Variants in TOP1MT observed in about 807,000 individuals in gnomAD.
The protein encoded by TOP1MT is DNA topoisomerase I, mitochondrial.
A neutral mutation model predicts 73.9 loss-of-function variants in TOP1MT; 80 were observed. The ratio of observed to expected loss-of-function variants is 1.08; its 90% CI spans 0.90 to 1.30. TOP1MT has a LOEUF of 1.30. TOP1MT is among the 50% of genes most tolerant of loss of function. The pLI is 0.00. For missense variants in TOP1MT, 815 were observed against 808.0 expected, an observed-to-expected ratio of 1.01 and a Z score of -0.10; for synonymous variants, 338 against 326.4, an observed-to-expected ratio of 1.04 and a Z score of -0.38.
At chr8:143,321,643 A>ACGCACGCACGC (rs1816380471) in intron 7 of TOP1MT, among the ~76,000 whole-genome samples, 1 of 64,706 alleles carries the variant, frequency 1.5e-5, no homozygotes, top group African/African-American at 5.3e-5. Context: ...CAGGCACGCC[A>ACGCACGCACGC]CACACAGGCA....
In TOP1MT at chr8:143,333,490, C is replaced by T. The variant is rs113521845; in HGVS notation, c.122+1250G>A. 3.1e-3 allele frequency among the ~76,000 whole-genome samples: 470 copies of T among 152,318 alleles called. 1 individual carries two copies. The highest frequency in any genetic ancestry group is 6.8e-3 in the Middle Eastern group (2 of 294). On this transcript the variant is annotated intron_variant, in intron 1 of 13. Transcript: ENST00000329245. Reference sequence around the variant, plus strand: ...AATAAAAATAAAGAACTGACAGTGACCCTGACTGCCAAGTCCTTCACAAAG... The same window carrying T: ...AATAAAAATAAAGAACTGACAGTGATCCTGACTGCCAAGTCCTTCACAAAG...
chr8:143,337,468 T>G (rs1817002401), upstream of TOP1MT, among the ~76,000 whole-genome samples: 1 of 152,086 alleles, frequency 6.6e-6, no homozygotes, highest in Admixed American at 6.5e-5. Context: ...CCATCTAAAT[T>G]CCAGCTGGCG....
At chr8:143,321,598 CGCCACACGCACGCA>C (rs1816372764) in intron 7 of TOP1MT, among the ~76,000 whole-genome samples, 1 of 126,454 alleles carries the variant, frequency 7.9e-6, no homozygotes, top group Non-Finnish European at 1.7e-5. Context: ...CACGCACGCA[CGCCACACGCACGCA>C]CGCCACACGC....
intron 12 of TOP1MT, among the ~76,000 whole-genome samples, chr8:143,315,127 T>TA (rs1196582616): frequency 6.6e-6 from 1 of 152,076 alleles, no homozygotes; most frequent in Non-Finnish European, 1.5e-5. Context: ...CAGGGGAGTT[T>TA]AGAGAAGACT....
intron 4 of TOP1MT, among the ~76,000 whole-genome samples, chr8:143,325,794 A>G (rs1816691539): frequency 6.6e-6 from 1 of 152,128 alleles, no homozygotes; most frequent in African/African-American, 2.4e-5. Context: ...AGGCCTAAGC[A>G]GTAAAGCCAG....
chr8:143,337,936 C>T (rs561071471), upstream of TOP1MT, among the ~76,000 whole-genome samples: 5 of 152,236 alleles, frequency 3.3e-5, no homozygotes, highest in Admixed American at 1.3e-4. Flanking sequence ...CCGGTGCATG[C>T]GGCCCCAGTT....
At chr8:143,320,864 G>A (rs897327734) in intron 8 of TOP1MT, among the ~76,000 whole-genome samples, 2 of 152,066 alleles carry the variant, frequency 1.3e-5, no homozygotes, top group African/African-American at 4.8e-5. Flanking sequence ...TGGCCCCCAG[G>A]GCTGAGCGAC....
intron 1 of TOP1MT, 74 bp downstream of exon 1, chr8:143,334,666 T>A: frequency 6.4e-7 from 1 of 1,565,004 alleles, no homozygotes; most frequent in East Asian, 2.5e-5. Context: ...CCACGAGGCC[T>A]GCCACTCCCC....
At chr8:143,322,296 C>T (rs1328254091) in intron 7 of TOP1MT, among the ~76,000 whole-genome samples, 1 of 40,630 alleles carries the variant, frequency 2.5e-5, no homozygotes. Context: ...CACACATGCA[C>T]GCCACACCCA....
At chr8:143,317,866 C>T (rs11780593) in intron 9 of TOP1MT, 29 bp from the exon 10 acceptor site, 352,326 of 1,610,220 alleles carry the variant, frequency 0.22, 41,007 homozygotes, top group South Asian at 0.31. Flanking sequence ...TCTATAATTA[C>T]GTGGTTTTGC....
intron 4 of TOP1MT, among the ~76,000 whole-genome samples, chr8:143,325,899 G>C (rs1816695354): frequency 1.3e-5 from 2 of 152,244 alleles, no homozygotes; most frequent in African/African-American, 2.4e-5. Context: ...GTTCCTGTTA[G>C]ATGTAGGGAG....
At chr8:143,343,448 C>A (rs754527268) in intron 1 of TOP1MT, 137 of 348,902 alleles carry the variant, frequency 3.9e-4, no homozygotes, top group Non-Finnish European at 6.4e-4. Flanking sequence ...TGGTGACCCA[C>A]GTGCTGGGCA....
intron 11 of TOP1MT, 70 bp downstream of exon 11, chr8:143,315,929 G>T: frequency 6.2e-7 from 1 of 1,609,132 alleles, no homozygotes; most frequent in East Asian, 2.2e-5. Context: ...TCCCAGGCCT[G>T]TGCCGAGGCT....
chr8:143,331,451 C>T, intron 1 of TOP1MT, 112 bp from the exon 2 acceptor site: 3 of 821,242 alleles, frequency 3.7e-6, no homozygotes, highest in Non-Finnish European at 5.7e-6. Context: ...GCAGTGTGGC[C>T]TCCACCTCAC....
rs1053105942 is a variant in TOP1MT, at chr8:143,341,950, A to G, written c.29+1270T>C. 2.8e-5 allele frequency among the ~76,000 whole-genome samples: 4 copies of G among 145,048 alleles called. No individual in the cohort carries two copies. The highest frequency in any genetic ancestry group is 7.1e-5 in the Admixed American group (1 of 14,052). ...TATTGAGACAGAGTCTCGCTCTGTT[A>G]TTATTATTATTAGAGACAGAGTCTC... On this transcript the variant is annotated intron_variant, in intron 2 of 5. Coordinates refer to the TOP1MT transcript ENST00000518007. The surrounding 1 kb of genome is among the most constrained non-coding windows in gnomAD (Gnocchi z 4.1).
chr8:143,322,211 G>A (rs771340679), intron 7 of TOP1MT, among the ~76,000 whole-genome samples: 4 of 33,232 alleles, frequency 1.2e-4, no homozygotes, highest in South Asian at 2.7e-3. Context: ...ACACAGGCAC[G>A]CCACACACAG....
At chr8:143,323,905 A>G in intron 7 of TOP1MT, 94 bp downstream of exon 7, 1 of 1,446,002 alleles carries the variant, frequency 6.9e-7, no homozygotes, top group Non-Finnish European at 9.5e-7. Flanking sequence ...CACCCCACAC[A>G]CAGGCCCACG....
intron 3 of TOP1MT, among the ~76,000 whole-genome samples, chr8:143,329,135 G>A (rs565155384): frequency 6.6e-6 from 1 of 152,184 alleles, no homozygotes; most frequent in African/African-American, 2.4e-5. Context: ...GGACACACTG[G>A]CACCGCCTAT....
At chr8:143,316,168 G>A in intron 10 of TOP1MT, 42 bp from the exon 11 acceptor site, 1 of 1,613,032 alleles carries the variant, frequency 6.2e-7, no homozygotes, top group Non-Finnish European at 8.5e-7. Flanking sequence ...CACGGGGCCG[G>A]CCACCCTCCC....
Sources: gnomAD v4.1 joint callset for allele counts (sites outside exome capture counted in the v4.1 genomes callset) on GRCh38, gnomAD v4.1.1 for gene constraint, Gnocchi (gnomAD v3.1) non-coding constraint, MANE v1.5 for transcripts, NCBI Gene and HGNC (gene_info 2026-07-23, HGNC 2026-07-21) for gene names.